NCKAP5L: variants seen among roughly 807,000 people sequenced by gnomAD.
The protein encoded by NCKAP5L is NCK associated protein 5 like, also known as nck-associated protein 5-like.
NCKAP5L carries 54 observed loss-of-function variants against 103.2 expected under a neutral mutation model. The ratio of observed to expected loss-of-function variants is 0.52; its 90% CI spans 0.42 to 0.66. NCKAP5L has a LOEUF of 0.66. NCKAP5L is among the 30% of genes least tolerant of loss of function. The pLI is 0.00. For missense variants in NCKAP5L, 1,733 were observed against 1,750.6 expected (o/e 0.99, Z 0.18); for synonymous variants, 762 against 748.6 (o/e 1.02, Z -0.29).
In NCKAP5L at chr12:49,823,049, C is replaced by T. The variant is rs1403295972; in HGVS notation, c.-99+5273G>A. 3.9e-5 allele frequency among the ~76,000 whole-genome samples: 6 copies of T among 152,104 alleles called. No homozygotes were observed. In the East Asian group the frequency reaches 1.2e-3, roughly 29 times the overall value. On this transcript the variant is annotated intron_variant, in intron 1 of 12. Coordinates refer to ENST00000335999, the MANE Select transcript of NCKAP5L (RefSeq NM_001037806.4). ...GGCTCCAATCCAGGGCTGCTGATGC[C>T]TTCACATCCTTTCTTCTCCAGCAAT...
intron 1 of NCKAP5L, among the ~76,000 whole-genome samples, chr12:49,810,895 A>T (rs1946232535): frequency 6.6e-6 from 1 of 152,248 alleles, no homozygotes; most frequent in South Asian, 2.1e-4. Flanking sequence ...TTAAGCGTAT[A>T]GAAGGGTCCT....
chr12:49,802,887 G>A lies in NCKAP5L; in HGVS notation c.231+71C>T, dbSNP rs1018411335. The A allele has an allele frequency of 3.8e-5, 57 of 1,516,372 alleles. No individual in the cohort carries two copies. In the Admixed American group the frequency reaches 1.0e-3, roughly 28 times the overall value. 93.9% of individuals were successfully genotyped at this position (1,516,372 alleles called of 1,614,324 possible). A position where few individuals can be genotyped will look rare whatever the true frequency, so the allele number is the denominator to read the frequency against. On this transcript the variant is annotated intron_variant, in intron 5 of 12. Transcript: ENST00000335999. ...GAGGGCAACAGCCCATGTCCTCCAA[G>A]CCCTTAGTCTCCAGGAAGGGTCTCA...
chr12:49,804,106 GAGA>G, intron 2 of NCKAP5L, 26 bp from the exon 3 acceptor site: 1 of 1,591,648 alleles, frequency 6.3e-7, no homozygotes, highest in African/African-American at 1.3e-5. Flanking sequence ...AGGAGGAAGT[GAGA>G]AGGAGGAGGA....
chr12:49,818,262 G>A (rs1404221894), intron 1 of NCKAP5L, among the ~76,000 whole-genome samples: 1 of 152,100 alleles, frequency 6.6e-6, no homozygotes, highest in East Asian at 1.9e-4. Flanking sequence ...GACCCCAAAA[G>A]CACAGGCAAC....
Position 49,796,338 on chromosome 12 carries a change from C to T in NCKAP5L, c.1522G>A (p.Gly508Arg). ...GCCCCCTCTGGGGACAGCTCTCCTC[C>T]ACCCAGACCCCTTCGGGCCAACAGT... The part of the protein sequence containing the change: ...SPLLARRGLG[G>R]GELSPEGAQG... Residue 508 changes from glycine (G) to arginine (R), a missense_variant, in exon 8 of 13, where the codon GGA (glycine) becomes AGA (arginine). Coordinates refer to ENST00000335999, the MANE Select transcript of NCKAP5L (RefSeq NM_001037806.4). 3.9e-6 allele frequency: 6 copies of T among 1,551,514 alleles called. No individual in the cohort carries two copies. The highest frequency in any genetic ancestry group is 2.3e-5 in the East Asian group (1 of 44,112).
At position 49,792,927 on chromosome 12, in the gene NCKAP5L, G is replaced by T. The variant is rs749948739; in HGVS notation, c.3400C>A (p.His1134Asn). Reference protein sequence around the residue: ...SGIGTFPPPDHGSSGTPSKNL... With the variant: ...SGIGTFPPPDNGSSGTPSKNL... ...TTGCTGGGGGTCCCACTGCTACCAT[G>T]GTCTGGGGGTGGGAAGGTCCCAATG... is the stretch of plus-strand genomic sequence containing the variant. Residue 1134 changes from histidine to asparagine, a missense_variant, in exon 11 of 13, where the codon CAT (histidine) becomes AAT (asparagine). By Grantham distance (68) the His-to-Asn change is moderately conservative. Transcript: ENST00000335999. The surrounding 1 kb of genome is among the most constrained non-coding windows in gnomAD (Gnocchi z 4.5). The T allele has an allele frequency of 1.3e-6, 2 of 1,555,430 alleles. No individual in the cohort carries two copies. The highest frequency in any genetic ancestry group is 1.2e-5 in the South Asian group (1 of 83,434).
At chr12:49,801,519 G>A (rs890281226) in intron 6 of NCKAP5L, among the ~76,000 whole-genome samples, 8 of 152,260 alleles carry the variant, frequency 5.3e-5, no homozygotes, top group East Asian at 1.9e-4. Flanking sequence ...CCCTGTGCCC[G>A]GCCAAGAAGA....
At chr12:49,825,231 T>C (rs1006984119) in intron 1 of NCKAP5L, among the ~76,000 whole-genome samples, 1 of 152,226 alleles carries the variant, frequency 6.6e-6, no homozygotes, top group Admixed American at 6.5e-5. Flanking sequence ...TAAATTTGCA[T>C]GTTCAATCAG....
chr12:49,803,787 C>T, intron 3 of NCKAP5L, 135 bp downstream of exon 3: 1 of 1,199,646 alleles, frequency 8.3e-7, no homozygotes, highest in Admixed American at 2.6e-5. Context: ...TTCTGCTAGC[C>T]TCCTGCCTGG....
intron 3 of NCKAP5L, 118 bp downstream of exon 3, chr12:49,803,804 A>G: frequency 2.3e-6 from 3 of 1,329,628 alleles, no homozygotes; most frequent in South Asian, 2.9e-5. Flanking sequence ...CTGGCAAAGC[A>G]GGCCGAGAGG....
At chr12:49,793,054 T>TC in intron 10 of NCKAP5L, 68 bp from the exon 11 acceptor site, 7 of 1,258,396 alleles carry the variant, frequency 5.6e-6, no homozygotes, top group African/African-American at 4.5e-5. Flanking sequence ...TGCCTCCACT[T>TC]CCCGCCCAGC....
At chr12:49,793,472 C>T (rs775334245) in intron 9 of NCKAP5L, 39 bp from the exon 10 acceptor site, 14 of 1,574,742 alleles carry the variant, frequency 8.9e-6, no homozygotes, top group Non-Finnish European at 9.6e-6. Flanking sequence ...CCACTCCTCC[C>T]CCCTCCACAC....
rs571404441 is a variant in NCKAP5L at position 49,811,991 on chromosome 12, C to T, written c.-98-5950G>A. Among the ~76,000 whole-genome samples, 6 of 152,272 alleles carry T rather than the reference C, an allele frequency of 3.9e-5. No individual in the cohort carries two copies. In the East Asian group the frequency reaches 1.2e-3, roughly 29 times the overall value. ...AATATTTTTCAGTCCTCATTGCCAT[C>T]GCAGGTATAAGACCTCTGTGACCAC... is the stretch of plus-strand genomic sequence containing the variant. On this transcript the variant is annotated intron_variant, in intron 1 of 12. Coordinates refer to ENST00000335999, the MANE Select transcript of NCKAP5L (RefSeq NM_001037806.4).
At chr12:49,809,289 G>A (rs1231388015) in intron 1 of NCKAP5L, among the ~76,000 whole-genome samples, 1 of 152,136 alleles carries the variant, frequency 6.6e-6, no homozygotes, top group Non-Finnish European at 1.5e-5. Flanking sequence ...TCTCCAGCAG[G>A]GCACAGGCAA....
intron 1 of NCKAP5L, among the ~76,000 whole-genome samples, chr12:49,813,608 G>C (rs866900249): frequency 6.6e-6 from 1 of 151,912 alleles, no homozygotes; most frequent in Non-Finnish European, 1.5e-5. Context: ...GCTCACTGCC[G>C]CCTCCACCTC....
At chr12:49,807,726 C>T (rs984909901) in intron 1 of NCKAP5L, among the ~76,000 whole-genome samples, 2 of 152,218 alleles carry the variant, frequency 1.3e-5, no homozygotes, top group African/African-American at 4.8e-5. Flanking sequence ...CAGCATCTGA[C>T]CAGTGCCACC....
intron 1 of NCKAP5L, among the ~76,000 whole-genome samples, chr12:49,814,463 G>A (rs1426195421): frequency 6.8e-6 from 1 of 146,162 alleles, no homozygotes; most frequent in Non-Finnish European, 1.5e-5. Context: ...CAGCCTGGGC[G>A]ACAGTGTGAG....
At chr12:49,815,798 C>CT (rs201303753) in intron 1 of NCKAP5L, among the ~76,000 whole-genome samples, 3 of 151,460 alleles carry the variant, frequency 2.0e-5, no homozygotes, top group South Asian at 2.1e-4. Flanking sequence ...CCAGTGCTTC[C>CT]TTTTTTTTTA....
chr12:49,798,230 G>T, intron 7 of NCKAP5L, 120 bp downstream of exon 7: 1 of 907,142 alleles, frequency 1.1e-6, no homozygotes, highest in Non-Finnish European at 1.8e-6. Context: ...GCTTTTTTTG[G>T]CATTCGGCTG....
Sources: allele counts gnomAD v4.1 joint callset (sites outside exome capture counted in the v4.1 genomes callset), GRCh38; gene constraint gnomAD v4.1.1; non-coding constraint Gnocchi (gnomAD v3.1); transcripts MANE v1.5; gene names NCBI Gene and HGNC (gene_info 2026-07-23, HGNC 2026-07-21).